EFL1: variants seen among roughly 807,000 people sequenced by gnomAD.
EFL1 encodes the protein elongation factor-like GTPase 1.
Under a neutral mutation model 126.7 loss-of-function variants are expected in EFL1, and 76 were observed. The ratio of observed to expected loss-of-function variants is 0.60; its 90% CI spans 0.50 to 0.73. The LOEUF is 0.73. Among genes scored for constraint, EFL1 ranks in the 30% least tolerant of loss-of-function variants. The pLI is 0.00. For missense variants in EFL1, 1,128 were observed against 1,343.2 expected, an observed-to-expected ratio of 0.84 and a Z score of 2.50; for synonymous variants, 410 against 448.4, an observed-to-expected ratio of 0.91 and a Z score of 1.08.
At chr15:82,230,312 T>A (rs8032633) in intron 8 of EFL1, among the ~76,000 whole-genome samples, 36,658 of 152,006 alleles carry the variant, frequency 0.24, 4,715 homozygotes, top group South Asian at 0.4. Context: ...GGTTTTAACA[T>A]TAAAAACACA....
chr15:82,186,870 C>T (rs539760032), intron 15 of EFL1, among the ~76,000 whole-genome samples: 2 of 152,132 alleles, frequency 1.3e-5, no homozygotes, highest in African/African-American at 2.4e-5. Context: ...AATTGCAGGT[C>T]CCCTGGAACT....
chr15:82,189,432 A>C (rs189719742), intron 15 of EFL1, among the ~76,000 whole-genome samples: 9 of 152,342 alleles, frequency 5.9e-5, no homozygotes, highest in Admixed American at 5.9e-4. Context: ...TTCATGAATC[A>C]CATGTTTTTT....
intron 15 of EFL1, among the ~76,000 whole-genome samples, chr15:82,202,957 A>G (rs1286596733): frequency 2.0e-5 from 3 of 151,922 alleles, no homozygotes; most frequent in Non-Finnish European, 4.4e-5. Flanking sequence ...GGTTACAGGC[A>G]TGTTCCACCA....
Position 82,219,759 on chromosome 15 carries a change from G to C in EFL1, c.1504C>G (p.Gln502Glu). ...CGAGCAAATGCAATAAAAGACTCTT[G>C]GTTGTTTTCTTCCTGGAGCACAGGT... ...PKPVLQEENN[Q>E]ESFIAFARVF... The change falls in exon 14 of 20, where the codon CAA becomes GAA. Residue 502 changes from glutamine to glutamate, a missense_variant. This residue lies in a region of EFL1 where 120 missense variants were observed against 142.1 expected (regional missense o/e 0.84). Coordinates refer to ENST00000268206, the MANE Select transcript of EFL1 (RefSeq NM_024580.6). 2 of 1,614,010 alleles carry C rather than the reference G, an allele frequency of 1.2e-6. No individual in the cohort carries two copies. The highest frequency in any genetic ancestry group is 1.7e-6 in the Non-Finnish European group (2 of 1,179,968).
At chr15:82,172,914 T>A (rs575553891) in intron 15 of EFL1, among the ~76,000 whole-genome samples, 1 of 152,308 alleles carries the variant, frequency 6.6e-6, no homozygotes, top group Admixed American at 6.5e-5. Context: ...ATACTGATAT[T>A]TTTGAAATTA....
chr15:82,246,062 T>C (rs1045794894), intron 4 of EFL1, among the ~76,000 whole-genome samples: 6 of 151,930 alleles, frequency 3.9e-5, no homozygotes, highest in African/African-American at 7.3e-5. Context: ...CTCCAGACCT[T>C]CCTCCAACAT....
At chr15:82,261,271 C>A (rs1304956810) in intron 2 of EFL1, among the ~76,000 whole-genome samples, 2 of 152,174 alleles carry the variant, frequency 1.3e-5, no homozygotes, top group African/African-American at 4.8e-5. Flanking sequence ...TGGGCTAGTG[C>A]CCTACTCATA....
chr15:82,218,588 A>C (rs2074675524), intron 14 of EFL1, among the ~76,000 whole-genome samples: 1 of 152,234 alleles, frequency 6.6e-6, no homozygotes, highest in Non-Finnish European at 1.5e-5. Flanking sequence ...CCTTACTGAT[A>C]AATAGCAAAC....
intron 15 of EFL1, among the ~76,000 whole-genome samples, chr15:82,186,007 A>C (rs1283386927): frequency 6.6e-6 from 1 of 152,150 alleles, no homozygotes; most frequent in Admixed American, 6.5e-5. Flanking sequence ...CTATTTACTT[A>C]TCAATTCTAG....
intron 3 of EFL1, among the ~76,000 whole-genome samples, chr15:82,254,779 G>A (rs1457716644): frequency 6.6e-6 from 1 of 152,184 alleles, no homozygotes; most frequent in Non-Finnish European, 1.5e-5. Context: ...GTCCATTGTA[G>A]AGAATGAAGG....
At chr15:82,189,581 T>C in intron 15 of EFL1, among the ~76,000 whole-genome samples, 1 of 152,208 alleles carries the variant, frequency 6.6e-6, no homozygotes, top group East Asian at 1.9e-4. Context: ...TTCAAATTCA[T>C]ATTTTTCTCT....
chr15:82,180,499 G>A (rs2074241955), intron 15 of EFL1, among the ~76,000 whole-genome samples: 1 of 151,594 alleles, frequency 6.6e-6, no homozygotes, highest in South Asian at 2.1e-4. Flanking sequence ...TCCATTAAAA[G>A]GGACTAGTTT....
chr15:82,245,145 CT>C (rs995948156), intron 4 of EFL1, among the ~76,000 whole-genome samples: 7 of 151,842 alleles, frequency 4.6e-5, no homozygotes, highest in African/African-American at 1.2e-4. Context: ...GGAAATACTA[CT>C]TTTTTTTGTT....
chr15:82,165,780 C>T (rs996644484), intron 15 of EFL1, among the ~76,000 whole-genome samples: 9 of 152,206 alleles, frequency 5.9e-5, no homozygotes, highest in African/African-American at 2.2e-4. Flanking sequence ...TCTGTTCTGC[C>T]TCACATTAGG....
At chr15:82,185,476 T>A (rs1342651578) in intron 15 of EFL1, among the ~76,000 whole-genome samples, 2 of 152,178 alleles carry the variant, frequency 1.3e-5, no homozygotes, top group South Asian at 2.1e-4. Context: ...AAAAAAATTT[T>A]AAAAAATTAG....
intron 15 of EFL1, among the ~76,000 whole-genome samples, chr15:82,176,558 G>A (rs1362296440): frequency 1.3e-5 from 2 of 152,090 alleles, no homozygotes; most frequent in African/African-American, 2.4e-5. Context: ...AAACAACAAT[G>A]GTCAATATAT....
Position 82,205,568 on chromosome 15 carries a change from T to G in EFL1, c.1750+9149A>C, listed in dbSNP as rs138187165. ...CACACACACACACACACAAACACAC[T>G]CCTTTGACTCAACTATTCCTTCAAA... On this transcript the variant is annotated intron_variant, in intron 15 of 19. Transcript: ENST00000268206. 5.3e-3 allele frequency among the ~76,000 whole-genome samples: 798 copies of G among 151,760 alleles called. 5 individuals carry two copies. Among genetic ancestry groups the G allele is most frequent in the African/African-American group, 0.018 (757 of 41,398 alleles).
intron 15 of EFL1, among the ~76,000 whole-genome samples, chr15:82,167,202 T>G (rs2074088649): frequency 1.3e-5 from 2 of 152,192 alleles, no homozygotes; most frequent in South Asian, 2.1e-4. Context: ...ATGCCAAGAA[T>G]TCTAGTTTTT....
chr15:82,157,308 T>C (rs975065586), intron 17 of EFL1, among the ~76,000 whole-genome samples: 1 of 152,228 alleles, frequency 6.6e-6, no homozygotes, highest in Non-Finnish European at 1.5e-5. Flanking sequence ...ATCATCTTTA[T>C]AGAAAAACAT....
Sources: allele counts gnomAD v4.1 joint callset (sites outside exome capture counted in the v4.1 genomes callset), GRCh38; gene constraint gnomAD v4.1.1; regional missense constraint gnomAD v4.1.1; transcripts MANE v1.5; gene names NCBI Gene and HGNC (gene_info 2026-07-23, HGNC 2026-07-21).